The following NUP205 variants were observed in gnomAD, a reference collection of about 807,000 sequenced individuals.
The protein encoded by NUP205 is nucleoporin 205, also known as nuclear pore complex protein Nup205.
A neutral mutation model predicts 253.8 loss-of-function variants in NUP205; 76 were observed. The observed-to-expected ratio is 0.30, with a 90% CI of 0.25 to 0.36. The LOEUF is 0.36. Ranked by LOEUF, NUP205 falls within the 10% of genes least tolerant of loss-of-function variation. The probability of loss-of-function intolerance (pLI) is 1.00; values close to 1 mark genes in which losing one functional copy is unlikely to be tolerated. For synonymous variants in NUP205, 832 were observed against 850.1 expected (o/e 0.98, Z 0.37); for missense variants, 2,162 against 2,425.5 (o/e 0.89, Z 2.28).
chr7:135,604,711 A>G (rs930683813), intron 19 of NUP205, among the ~76,000 whole-genome samples: 3 of 152,232 alleles, frequency 2.0e-5, no homozygotes, highest in South Asian at 4.1e-4. Flanking sequence ...GTACATGACC[A>G]CTGCTACTCT....
chr7:135,591,743 A>G (rs747529141), intron 11 of NUP205, 143 bp downstream of exon 11: 21 of 657,896 alleles, frequency 3.2e-5, no homozygotes, highest in Admixed American at 6.8e-5. Flanking sequence ...TGAAGGAAGC[A>G]TGCATACAGC....
chr7:135,596,204 G>A (rs1194512137), intron 13 of NUP205, among the ~76,000 whole-genome samples: 3 of 152,234 alleles, frequency 2.0e-5, no homozygotes, highest in Admixed American at 6.5e-5. Flanking sequence ...AAAGTACTGG[G>A]ATTACAGGCG....
chr7:135,559,681 T>C (rs1464452043), intron 1 of NUP205, among the ~76,000 whole-genome samples: 1 of 147,530 alleles, frequency 6.8e-6, no homozygotes, highest in African/African-American at 2.5e-5. Flanking sequence ...TACACATTTA[T>C]TTTCCTTTTT....
In NUP205 at chr7:135,587,670, C is replaced by T; in HGVS notation, c.1314C>T (p.Asp438=). The change falls in exon 9 of 43, where the codon GAC becomes GAT. Residue 438 remains aspartate (D), a synonymous_variant. Transcript: ENST00000285968. ...GNEPPISLRR[D]LEHLMLLIGE... is the part of the protein sequence containing the mutation. ...AACCCCCCATTTCACTTAGAAGGGA[C>T]CTGGAACACTTAATGCTTTTGGTAA... 1 of 1,603,758 alleles carries T rather than the reference C, an allele frequency of 6.2e-7. No individual in the cohort carries two copies. Among genetic ancestry groups the T allele is most frequent in the Non-Finnish European group, 8.5e-7 (1 of 1,174,416 alleles).
intron 32 of NUP205, among the ~76,000 whole-genome samples, chr7:135,625,583 A>T (rs980284425): frequency 6.6e-6 from 1 of 152,198 alleles, no homozygotes; most frequent in African/African-American, 2.4e-5. Flanking sequence ...TCACTCACTC[A>T]GGTTGCTCAT....
intron 31 of NUP205, among the ~76,000 whole-genome samples, chr7:135,624,147 A>G (rs1415015809): frequency 6.6e-6 from 1 of 152,172 alleles, no homozygotes; most frequent in African/African-American, 2.4e-5. Flanking sequence ...CTGGTAGGAG[A>G]CAGACCAAAA....
chr7:135,642,254 C>CAAA (rs918248468), intron 38 of NUP205, among the ~76,000 whole-genome samples: 1 of 103,686 alleles, frequency 9.6e-6, no homozygotes, highest in Non-Finnish European at 2.0e-5. Flanking sequence ...GACTCCATCT[C>CAAA]AAAAAAAAAA....
intron 15 of NUP205, among the ~76,000 whole-genome samples, chr7:135,599,496 A>C (rs1283043632): frequency 6.6e-6 from 1 of 152,232 alleles, no homozygotes; most frequent in Non-Finnish European, 1.5e-5. Context: ...ACCATGCCTC[A>C]TTAATAAAGT....
At chr7:135,595,705 G>A (rs1258430051) in intron 13 of NUP205, among the ~76,000 whole-genome samples, 1 of 152,090 alleles carries the variant, frequency 6.6e-6, no homozygotes, top group East Asian at 1.9e-4. Context: ...TATAATGTTT[G>A]AAGTCTCAAT....
In NUP205 at chr7:135,619,691, GT is replaced by G. The variant is rs748861286; in HGVS notation, c.4231+8del. 8.1e-6 allele frequency: 13 copies of G among 1,608,298 alleles called. No homozygotes were observed. The highest frequency in any genetic ancestry group is 3.3e-4 in the Middle Eastern group (2 of 6,030). ...CTGTTAGACTTCATTTTGAAGACAG[GT>G]TTTTTTCATTTAAATTGTCTATAAA... is the stretch of plus-strand genomic sequence containing the variant. On this transcript the variant is annotated splice_donor_variant, in intron 29 of 42. Transcript: ENST00000285968. LOFTEE classifies it high-confidence loss of function.
chr7:135,565,612 A>G (rs1355771598), intron 1 of NUP205, among the ~76,000 whole-genome samples: 1 of 151,692 alleles, frequency 6.6e-6, no homozygotes, highest in Non-Finnish European at 1.5e-5. Context: ...TTGTATTTTT[A>G]GTAGAGATGG....
In NUP205 at chr7:135,568,435, C is replaced by T. The variant is rs543312793; in HGVS notation, c.29-2670C>T. Among the ~76,000 whole-genome samples, 137 of 151,784 alleles carry T rather than the reference C, an allele frequency of 9.0e-4. 1 individual carries two copies. Among genetic ancestry groups the T allele is most frequent in the African/African-American group, 3.0e-3 (123 of 41,428 alleles). On this transcript the variant is annotated intron_variant, in intron 1 of 42. Coordinates refer to ENST00000285968, the MANE Select transcript of NUP205 (RefSeq NM_015135.3). ...GCAACCTCCACCTCCCAGGTTCAAG[C>T]GATTCTGGTTCCTGGCCTCCCGAGT... is the stretch of plus-strand genomic sequence containing the variant.
At chr7:135,627,202 G>T (rs1215146215) in intron 33 of NUP205, among the ~76,000 whole-genome samples, 1 of 151,564 alleles carries the variant, frequency 6.6e-6, no homozygotes, top group East Asian at 1.9e-4. Context: ...CCATTTTTTT[G>T]GTCTAAAAAT....
At chr7:135,566,242 G>C (rs1420606943) in intron 1 of NUP205, among the ~76,000 whole-genome samples, 3 of 152,010 alleles carry the variant, frequency 2.0e-5, no homozygotes, top group Non-Finnish European at 4.4e-5. Flanking sequence ...CCTTGTAGTT[G>C]GATTTACAGG....
chr7:135,567,274 A>T (rs1220267724), intron 1 of NUP205, among the ~76,000 whole-genome samples: 1 of 144,532 alleles, frequency 6.9e-6, no homozygotes, highest in Non-Finnish European at 1.5e-5. Flanking sequence ...CTCCCTGCAC[A>T]TCTCCCTTTA....
At chr7:135,570,793 T>TTATATTAATATATATTA (rs1805964145) in intron 1 of NUP205, among the ~76,000 whole-genome samples, 1 of 96,370 alleles carries the variant, frequency 1.0e-5, no homozygotes, top group East Asian at 2.1e-4. Context: ...TATATTTATA[T>TTATATTAATATATATTA]ATTATATTAA....
rs1407004704 is a variant in NUP205 at position 135,638,024 on chromosome 7, A to G, written c.5230A>G (p.Ser1744Gly). Reference protein sequence around the residue: ...QDDNVEGDKVSKKDEIELAMQ... With the variant: ...QDDNVEGDKVGKKDEIELAMQ... Reference sequence around the variant, plus strand: ...CGATAATGTGGAGGGAGATAAAGTAAGCAAGAAAGATGAGATTGAACTGGC... The same window carrying G: ...CGATAATGTGGAGGGAGATAAAGTAGGCAAGAAAGATGAGATTGAACTGGC... The change falls in exon 37 of 43, where the codon AGC becomes GGC. Residue 1744 changes from serine (S) to glycine (G), a missense_variant. Ser to Gly is a moderately conservative substitution (Grantham distance 56). Around this residue, in one of 5 missense-constraint regions of NUP205, gnomAD observed 1,144 missense variants for 1,280.9 expected, o/e 0.89. Coordinates refer to ENST00000285968, the MANE Select transcript of NUP205 (RefSeq NM_015135.3). 2.5e-6 allele frequency: 4 copies of G among 1,614,042 alleles called. No individual in the cohort carries two copies.
chr7:135,596,778 T>A (rs1264944274), intron 13 of NUP205, among the ~76,000 whole-genome samples: 1 of 150,828 alleles, frequency 6.6e-6, no homozygotes, highest in Non-Finnish European at 1.5e-5. Context: ...GGTGAAACCT[T>A]GTCTCTACTA....
rs746014319 is a variant in NUP205 at position 135,617,584 on chromosome 7, C to G, written c.3691-18C>G. 6.3e-7 allele frequency: 1 copy of G among 1,597,128 alleles called. No homozygotes were observed. Among genetic ancestry groups the G allele is most frequent in the East Asian group, 2.2e-5 (1 of 44,728 alleles). On this transcript the variant is annotated intron_variant, in intron 26 of 42. Coordinates refer to ENST00000285968, the MANE Select transcript of NUP205 (RefSeq NM_015135.3). ...TGTCTGAAATGTCTTATTTTTCTTT[C>G]TTTTCCTAATTATCCAGCTTCTTCA...
Sources: allele counts gnomAD v4.1 joint callset (sites outside exome capture counted in the v4.1 genomes callset), GRCh38; gene constraint gnomAD v4.1.1; regional missense constraint gnomAD v4.1.1; transcripts MANE v1.5; gene names NCBI Gene and HGNC (gene_info 2026-07-23, HGNC 2026-07-21).